Variants in KLHDC4 observed in about 807,000 individuals in gnomAD.
KLHDC4 encodes the protein kelch domain containing 4, also known as kelch domain-containing protein 4.
In KLHDC4, 90 loss-of-function variants were observed where a neutral mutation model predicts 62.4. The ratio of observed to expected loss-of-function variants is 1.44; its 90% CI spans 1.22 to 1.72. The LOEUF is 1.72. Ranked by LOEUF, KLHDC4 falls within the 40% of genes most tolerant of loss-of-function variation. The probability of loss-of-function intolerance (pLI) is 0.00; values close to 1 mark genes in which losing one functional copy is unlikely to be tolerated. For synonymous variants in KLHDC4, 386 were observed against 284.4 expected, an observed-to-expected ratio of 1.36 and a Z score of -3.59; for missense variants, 1,025 against 699.7, an observed-to-expected ratio of 1.47 and a Z score of -5.25.
chr16:87,753,513 A>G (rs1446450933), intron 4 of KLHDC4, among the ~76,000 whole-genome samples: 1 of 151,992 alleles, frequency 6.6e-6, no homozygotes, highest in Admixed American at 6.6e-5. Flanking sequence ...AAATCCAGAC[A>G]CTCAGGCTGG....
At chr16:87,743,692 A>C (rs927198293) in intron 5 of KLHDC4, among the ~76,000 whole-genome samples, 2 of 151,908 alleles carry the variant, frequency 1.3e-5, no homozygotes, top group Non-Finnish European at 2.9e-5. Context: ...GTGAGCCGAG[A>C]TCAAACCACT....
exon 1 of KLHDC4, chr16:87,701,214 T>A (rs2034129021): frequency 9.1e-6 from 2 of 220,006 alleles, no homozygotes; most frequent in Non-Finnish European, 1.8e-5. Flanking sequence ...GGCCAGCGCT[T>A]CCCGATGAGC....
At chr16:87,704,521 G>C (rs1351079422), downstream of KLHDC4, among the ~76,000 whole-genome samples, 1 of 136,148 alleles carries the variant, frequency 7.3e-6, no homozygotes, top group Non-Finnish European at 1.6e-5. Flanking sequence ...GAGGCGCCTG[G>C]GGAGGGCCCT....
At chr16:87,745,685 T>C (rs1383797765) in intron 5 of KLHDC4, among the ~76,000 whole-genome samples, 1 of 151,982 alleles carries the variant, frequency 6.6e-6, no homozygotes, top group Non-Finnish European at 1.5e-5. Context: ...AAGACGACAT[T>C]GGGGCAGGGT....
At chr16:87,706,187 G>C (rs1199752077), downstream of KLHDC4, among the ~76,000 whole-genome samples, 1 of 122,536 alleles carries the variant, frequency 8.2e-6, no homozygotes, top group Admixed American at 8.1e-5. Context: ...CCCTCGGGGG[G>C]GGGTCAGCGT....
intron 5 of KLHDC4, chr16:87,747,585 T>A (rs12447412): frequency 6.6e-6 from 1 of 152,094 alleles, no homozygotes; most frequent in Non-Finnish European, 1.5e-5. Flanking sequence ...ACCTTCCGGG[T>A]CCCACTGTAA....
exon 1 of KLHDC4, chr16:87,702,328 G>A (rs777170774): frequency 1.1e-5 from 5 of 455,356 alleles, no homozygotes; most frequent in South Asian, 6.2e-5. Context: ...CCTGGGGTCA[G>A]GCTGAGAGAG....
At chr16:87,716,743 A>C (rs1027459321) in intron 7 of KLHDC4, among the ~76,000 whole-genome samples, 1 of 152,088 alleles carries the variant, frequency 6.6e-6, no homozygotes, top group African/African-American at 2.4e-5. Context: ...AATCCTGGCT[A>C]ACACGATGAA....
chr16:87,722,961 G>C (rs2038694228), intron 7 of KLHDC4, among the ~76,000 whole-genome samples: 1 of 152,084 alleles, frequency 6.6e-6, no homozygotes, highest in Admixed American at 6.5e-5. Flanking sequence ...CTGCGTGGGA[G>C]AGAGGCGTGT....
chr16:87,732,102 T>TC (rs58784569), intron 5 of KLHDC4, among the ~76,000 whole-genome samples: 1 of 149,724 alleles, frequency 6.7e-6, no homozygotes, highest in Admixed American at 6.6e-5. Flanking sequence ...TATTTCTTTT[T>TC]TTTTTTTTTT....
At chr16:87,727,847 A>G (rs748156866) in intron 6 of KLHDC4, among the ~76,000 whole-genome samples, 5 of 152,134 alleles carry the variant, frequency 3.3e-5, no homozygotes, top group Non-Finnish European at 7.4e-5. Flanking sequence ...GTGAAGCAGG[A>G]AAAGTCACAG....
intron 8 of KLHDC4, among the ~76,000 whole-genome samples, chr16:87,713,592 G>A (rs970039045): frequency 6.6e-6 from 1 of 152,106 alleles, no homozygotes; most frequent in Non-Finnish European, 1.5e-5. Context: ...CACAGGCACG[G>A]CTTCTTCCGC....
At chr16:87,752,089 CAA>C (rs1173625123) in intron 4 of KLHDC4, among the ~76,000 whole-genome samples, 8 of 29,468 alleles carry the variant, frequency 2.7e-4, no homozygotes, top group East Asian at 1.0e-3. Flanking sequence ...GACTTTGTCT[CAA>C]AAAAAAAAAA....
intron 5 of KLHDC4, among the ~76,000 whole-genome samples, chr16:87,744,544 C>G (rs1019354390): frequency 6.6e-6 from 1 of 150,620 alleles, no homozygotes; most frequent in Non-Finnish European, 1.5e-5. Flanking sequence ...GATTGTGCTA[C>G]TGCACTCCAG....
intron 5 of KLHDC4, chr16:87,739,987 T>C (rs1478693495): frequency 6.6e-6 from 1 of 152,186 alleles, no homozygotes; most frequent in Non-Finnish European, 1.5e-5. Context: ...ATGAATCACA[T>C]CTCAGAGAAA....
chr16:87,756,382 A>G lies in KLHDC4; in HGVS notation c.270+17T>C, dbSNP rs761107962. On this transcript the variant is annotated intron_variant, in intron 3 of 11. Transcript: ENST00000270583. Reference sequence around the variant, plus strand: ...CTCACGCAACATGGGAAGAAAAGAAAAAAATATATACTTTACTTTTTGGCC... The same window carrying G: ...CTCACGCAACATGGGAAGAAAAGAAGAAAATATATACTTTACTTTTTGGCC... The G allele has an allele frequency of 6.3e-7, 1 of 1,584,068 alleles. No homozygotes were observed. The highest frequency in any genetic ancestry group is 8.7e-7 in the Non-Finnish European group (1 of 1,153,550).
exon 1 of KLHDC4, chr16:87,700,586 G>C (rs1360372149): frequency 5.2e-6 from 1 of 190,532 alleles, no homozygotes; most frequent in Non-Finnish European, 1.1e-5. Flanking sequence ...AGAGGGTGGA[G>C]GGAGGAGAGA....
In KLHDC4 at chr16:87,722,318, C is replaced by T. The variant is rs1006158928; in HGVS notation, c.759+4447G>A. Among the ~76,000 whole-genome samples the T allele has an allele frequency of 2.4e-4, 36 of 152,308 alleles. 1 individual carries two copies. Among genetic ancestry groups the T allele is most frequent in the African/African-American group, 7.9e-4 (33 of 41,576 alleles). ...AAGTCCTCCCAAGGCTACTCAGATG[C>T]ATCTCCTGAGGGAGCCTGGGACGGG... On this transcript the variant is annotated intron_variant, in intron 7 of 11. Coordinates refer to ENST00000270583, the MANE Select transcript of KLHDC4 (RefSeq NM_017566.4).
intron 5 of KLHDC4, among the ~76,000 whole-genome samples, chr16:87,748,366 C>T (rs554819561): frequency 4.9e-4 from 74 of 152,304 alleles, no homozygotes; most frequent in African/African-American, 1.7e-3. Flanking sequence ...GAGCTGCCTC[C>T]AATGATGTAA....
Sources: gnomAD v4.1 joint callset for allele counts (sites outside exome capture counted in the v4.1 genomes callset) on GRCh38, gnomAD v4.1.1 for gene constraint, MANE v1.5 for transcripts, NCBI Gene and HGNC (gene_info 2026-07-23, HGNC 2026-07-21) for gene names.